The following PSME4 variants were observed in gnomAD, a reference collection of about 807,000 sequenced individuals.
The protein encoded by PSME4 is proteasome activator complex subunit 4.
In PSME4, 89 loss-of-function variants were observed where a neutral mutation model predicts 253.9. The ratio of observed to expected loss-of-function variants is 0.35; its 90% CI spans 0.30 to 0.42. PSME4 has a LOEUF of 0.42. PSME4 is among the 10% of genes least tolerant of loss of function. PSME4 has a pLI of 1.00. For missense variants in PSME4, 2,014 were observed against 2,195.2 expected (o/e 0.92, Z 1.65); for synonymous variants, 851 against 759.2 (o/e 1.12, Z -1.99).
At chr2:53,905,186 C>T (rs866219727) in intron 26 of PSME4, among the ~76,000 whole-genome samples, 4 of 151,206 alleles carry the variant, frequency 2.6e-5, no homozygotes, top group Non-Finnish European at 4.4e-5. Flanking sequence ...CATGCCACCA[C>T]GCCTGGCTAA....
At chr2:53,875,381 C>T (rs974664395) in intron 42 of PSME4, among the ~76,000 whole-genome samples, 1 of 152,212 alleles carries the variant, frequency 6.6e-6, no homozygotes, top group African/African-American at 2.4e-5. Flanking sequence ...ATCCAAAGCA[C>T]TTAATAATGA....
At chr2:53,941,816 A>G (rs1669468352) in intron 3 of PSME4, among the ~76,000 whole-genome samples, 1 of 152,082 alleles carries the variant, frequency 6.6e-6, no homozygotes, top group South Asian at 2.1e-4. Context: ...TCTCATTAAT[A>G]TTACATTTAT....
At chr2:53,872,979 G>A (rs1360112703) in intron 43 of PSME4, among the ~76,000 whole-genome samples, 3 of 151,758 alleles carry the variant, frequency 2.0e-5, no homozygotes, top group Admixed American at 6.6e-5. Flanking sequence ...GGTGGCTCAC[G>A]ACTGTAATCC....
rs1558413983 is a variant in PSME4 at position 53,940,972 on chromosome 2, T to TTTAAATATATATATATACATATTTAA, written c.501-973_501-972insTTAAATATGTATATATATATATTTAA. The stretch of plus-strand genomic sequence containing the variant: ...ATATACATATATATATATATATATA[T>TTTAAATATATATATATACATATTTAA]ATATATATATATATATATATATATA... On this transcript the variant is annotated intron_variant, in intron 3 of 46. Transcript: ENST00000404125. Among the ~76,000 whole-genome samples, 10 of 63,022 alleles carry TTTAAATATATATATATACATATTTAA rather than the reference T, an allele frequency of 1.6e-4. 1 individual carries two copies. The highest frequency in any genetic ancestry group is 3.3e-4 in the Non-Finnish European group (10 of 30,208). The allele number at this position is 63,022 out of a possible 152,430, so 41.3% of individuals were successfully genotyped here.
At chr2:53,957,725 C>A (rs1312069657) in intron 1 of PSME4, among the ~76,000 whole-genome samples, 1 of 152,116 alleles carries the variant, frequency 6.6e-6, no homozygotes, top group African/African-American at 2.4e-5. Flanking sequence ...ATTTTGGAAT[C>A]CCTAGCGATG....
At chr2:53,905,234 T>A (rs910170107) in intron 26 of PSME4, among the ~76,000 whole-genome samples, 4 of 151,646 alleles carry the variant, frequency 2.6e-5, no homozygotes, top group African/African-American at 9.7e-5. Context: ...TTCACCATGT[T>A]GCCAGGCTGG....
chr2:53,906,450 A>G, intron 26 of PSME4, 148 bp downstream of exon 26: 1 of 1,228,094 alleles, frequency 8.1e-7, no homozygotes, highest in Non-Finnish European at 1.1e-6. Flanking sequence ...CCTGGAGGTA[A>G]TTACTGGAAA....
intron 13 of PSME4, 61 bp from the exon 14 acceptor site, chr2:53,925,750 G>T: frequency 6.7e-7 from 1 of 1,503,732 alleles, no homozygotes; most frequent in Non-Finnish European, 9.2e-7. Context: ...ATTTTTGGTG[G>T]TCATCAGGTA....
chr2:53,888,459 T>A, intron 38 of PSME4: 1 of 356,776 alleles, frequency 2.8e-6, no homozygotes, highest in East Asian at 4.3e-5. Context: ...AAGACAATTC[T>A]GATAAAATAT....
At chr2:53,871,243 G>A (rs1372228713) in intron 43 of PSME4, among the ~76,000 whole-genome samples, 1 of 151,900 alleles carries the variant, frequency 6.6e-6, no homozygotes, top group African/African-American at 2.4e-5. Context: ...AGCAAGTAAT[G>A]TCTTTATCTG....
intron 43 of PSME4, among the ~76,000 whole-genome samples, chr2:53,873,308 A>T (rs990080017): frequency 6.6e-6 from 1 of 151,552 alleles, no homozygotes; most frequent in Non-Finnish European, 1.5e-5. Context: ...GAAAATATCC[A>T]CTCTCAGAAT....
intron 32 of PSME4, 58 bp from the exon 33 acceptor site, chr2:53,895,794 C>A: frequency 6.9e-7 from 1 of 1,449,738 alleles, no homozygotes; most frequent in Non-Finnish European, 9.3e-7. Context: ...ACAATTATTA[C>A]CAAATTTCAA....
chr2:53,931,341 C>T (rs925991988), intron 10 of PSME4, among the ~76,000 whole-genome samples: 1 of 152,070 alleles, frequency 6.6e-6, no homozygotes, highest in Non-Finnish European at 1.5e-5. Flanking sequence ...AGTGGCTAGG[C>T]AAGTAAAGAG....
At chr2:53,903,460 A>G (rs747973069) in intron 27 of PSME4, among the ~76,000 whole-genome samples, 1 of 152,170 alleles carries the variant, frequency 6.6e-6, no homozygotes, top group Non-Finnish European at 1.5e-5. Flanking sequence ...ATCATTATAT[A>G]TTACCTATAC....
chr2:53,952,514 G>C (rs932880082), intron 1 of PSME4, among the ~76,000 whole-genome samples: 1 of 152,176 alleles, frequency 6.6e-6, no homozygotes, highest in African/African-American at 2.4e-5. Flanking sequence ...GAGTTCTCCA[G>C]CCTGGGCAAC....
rs183971438 is a variant in PSME4, at chr2:53,936,212, A to T, written c.760-51T>A. ...TTAATATATTTGTTGTTATTGTTTA[A>T]GTGTCATAGTCACACCCCTCCTCCA... On this transcript the variant is annotated intron_variant, in intron 6 of 46. Transcript: ENST00000404125. 542 of 1,607,550 alleles carry T rather than the reference A, an allele frequency of 3.4e-4. 3 individuals are homozygous for T. The East Asian group carries it at 9.4e-3, about 28-fold the overall frequency.
At position 53,908,844 on chromosome 2, in the gene PSME4, T is replaced by G; in HGVS notation, c.2573-4A>C. The G allele has an allele frequency of 1.9e-6, 3 of 1,595,396 alleles. No homozygotes were observed. The highest frequency in any genetic ancestry group is 2.6e-6 in the Non-Finnish European group (3 of 1,167,846). ...CGGTGGTTCTCTCGAGACAGATCTA[T>G]TTTGAAAAAATAAAAGAAGGTATTT... is the stretch of plus-strand genomic sequence containing the variant. On this transcript the variant is annotated splice_region_variant and splice_polypyrimidine_tract_variant and intron_variant, in intron 21 of 46. Coordinates refer to ENST00000404125, the MANE Select transcript of PSME4 (RefSeq NM_014614.3).
chr2:53,885,608 G>T, intron 41 of PSME4, 82 bp downstream of exon 41: 1 of 1,004,714 alleles, frequency 1.0e-6, no homozygotes, highest in Non-Finnish European at 1.5e-6. Context: ...ACTGTCTGAA[G>T]AACTTCAACC....
Position 53,900,022 on chromosome 2 carries a change from T to G in PSME4, c.3286-5A>C. 6.2e-7 allele frequency: 1 copy of G among 1,606,974 alleles called. No individual in the cohort carries two copies. Among genetic ancestry groups the G allele is most frequent in the Non-Finnish European group, 8.5e-7 (1 of 1,177,968 alleles). On this transcript the variant is annotated splice_region_variant and splice_polypyrimidine_tract_variant and intron_variant, in intron 28 of 46. Coordinates refer to ENST00000404125, the MANE Select transcript of PSME4 (RefSeq NM_014614.3). ...TTCAACACATGACTTTGGAATCTTG[T>G]TAAAAAGAAAAAAGCAGGAAAAAAA...
Sources: gnomAD v4.1 joint callset for allele counts (sites outside exome capture counted in the v4.1 genomes callset) on GRCh38, gnomAD v4.1.1 for gene constraint, MANE v1.5 for transcripts, NCBI Gene and HGNC (gene_info 2026-07-23, HGNC 2026-07-21) for gene names.